The following KPNA6 variants were observed in gnomAD, a reference collection of about 807,000 sequenced individuals.
KPNA6 encodes the protein importin subunit alpha-7.
A neutral mutation model predicts 72.0 loss-of-function variants in KPNA6; 9 were observed. The ratio of observed to expected loss-of-function variants is 0.13; its 90% CI spans 0.08 to 0.22. The LOEUF is 0.22. Ranked by LOEUF, KPNA6 falls within the 10% of genes least tolerant of loss-of-function variation. The pLI, the probability that KPNA6 is intolerant of heterozygous loss-of-function variation, is 1.00. For missense variants in KPNA6, 374 were observed against 655.7 expected (o/e 0.57, Z 4.69); for synonymous variants, 219 against 242.1 (o/e 0.90, Z 0.89).
rs767808630 is a variant in KPNA6, at chr1:32,154,730, A to T, written c.138+9A>T. 6 of 1,613,750 alleles carry T rather than the reference A, an allele frequency of 3.7e-6. No homozygotes were observed. In the South Asian group the frequency reaches 4.4e-5, roughly 12 times the overall value. ...AGAAGCGAGAGCAACAAGTGAGTTAATGGGAGTATTCTCAAACATACTATT... is the reference window on the plus strand; with the variant it reads ...AGAAGCGAGAGCAACAAGTGAGTTATTGGGAGTATTCTCAAACATACTATT... On this transcript the variant is annotated intron_variant, in intron 2 of 13. Coordinates refer to ENST00000373625, the MANE Select transcript of KPNA6 (RefSeq NM_012316.5).
At chr1:32,116,594 G>A (rs1641333164) in intron 1 of KPNA6, among the ~76,000 whole-genome samples, 1 of 152,002 alleles carries the variant, frequency 6.6e-6, no homozygotes, top group Non-Finnish European at 1.5e-5. Flanking sequence ...GGAGGTGGAG[G>A]TTTCGGTGAG....
chr1:32,109,213 G>A (rs1641200587), intron 1 of KPNA6, among the ~76,000 whole-genome samples: 1 of 152,152 alleles, frequency 6.6e-6, no homozygotes. Context: ...CTGTCGCCCA[G>A]GCTGGAGTGC....
At chr1:32,164,173 C>G (rs1409396073) in intron 10 of KPNA6, among the ~76,000 whole-genome samples, 1 of 152,154 alleles carries the variant, frequency 6.6e-6, no homozygotes, top group Non-Finnish European at 1.5e-5. Flanking sequence ...TCTTTCTCGT[C>G]TGGTTTATTT....
chr1:32,143,070 G>T (rs745730744), intron 1 of KPNA6: 2 of 1,092,500 alleles, frequency 1.8e-6, no homozygotes, highest in East Asian at 1.2e-4. Context: ...GAAATCTGTT[G>T]TCTACTCTGT....
chr1:32,127,509 G>C (rs1031974029), intron 1 of KPNA6, among the ~76,000 whole-genome samples: 1 of 152,200 alleles, frequency 6.6e-6, no homozygotes, highest in East Asian at 1.9e-4. Context: ...CTGTTGGAAA[G>C]GCCCTTTCTT....
chr1:32,121,323 A>T (rs1641429976), intron 1 of KPNA6, among the ~76,000 whole-genome samples: 1 of 152,162 alleles, frequency 6.6e-6, no homozygotes, highest in South Asian at 2.1e-4. Flanking sequence ...AAGGGGAAAA[A>T]AAATTAAGCA....
At chr1:32,169,855 A>G (rs1410516254) in intron 12 of KPNA6, 27 bp from the exon 13 acceptor site, 14 of 1,608,156 alleles carry the variant, frequency 8.7e-6, no homozygotes, top group Non-Finnish European at 1.1e-5. Flanking sequence ...GTACTAGTTT[A>G]GCACTTGCCT....
intron 2 of KPNA6, 94 bp downstream of exon 2, chr1:32,154,815 A>G: frequency 2.2e-6 from 3 of 1,373,500 alleles, no homozygotes; most frequent in Non-Finnish European, 3.0e-6. Flanking sequence ...CCTGTAGAAA[A>G]GTAGCTTACT....
chr1:32,130,125 T>C lies in KPNA6; in HGVS notation c.4+21991T>C, dbSNP rs183091113. 5.9e-5 allele frequency among the ~76,000 whole-genome samples: 9 copies of C among 152,182 alleles called. No homozygotes were observed. In the East Asian group the frequency reaches 1.5e-3, roughly 26 times the overall value. On this transcript the variant is annotated intron_variant, in intron 1 of 13. Transcript: ENST00000373625. The stretch of plus-strand genomic sequence containing the variant: ...GTCAAATATGAATTTTGCCTGAGAA[T>C]GCCTCCCTCTACAGATATTAGAGAT...
rs375064504 is a variant in KPNA6 at position 32,108,085 on chromosome 1, C to G, written c.-46C>G. The G allele has an allele frequency of 3.1e-5, 50 of 1,613,736 alleles. No individual in the cohort carries two copies. In the African/African-American group the frequency reaches 5.1e-4, roughly 16 times the overall value. On this transcript the variant is annotated 5_prime_UTR_variant, in exon 1 of 14. Coordinates refer to ENST00000373625, the MANE Select transcript of KPNA6 (RefSeq NM_012316.5). ...TGTCTACTGAAAGCTGCCGCTGAAG[C>G]TGCCGCCGTTGCCTCCGCCGCCAAG...
At chr1:32,110,156 C>T (rs1240800689) in intron 1 of KPNA6, among the ~76,000 whole-genome samples, 2 of 150,362 alleles carry the variant, frequency 1.3e-5, no homozygotes, top group African/African-American at 2.5e-5. Flanking sequence ...CCTCTGCCTC[C>T]CGGGTTAAAG....
intron 1 of KPNA6, among the ~76,000 whole-genome samples, chr1:32,128,948 A>G (rs1321361274): frequency 6.6e-6 from 1 of 152,122 alleles, no homozygotes; most frequent in Non-Finnish European, 1.5e-5. Context: ...GGGTATGAAA[A>G]TTAAGATACA....
At chr1:32,142,986 A>G (rs748986832) in intron 1 of KPNA6, 1 of 1,289,854 alleles carries the variant, frequency 7.8e-7, no homozygotes, top group South Asian at 1.2e-5. Flanking sequence ...GCTAGCGTCC[A>G]GGACAGCCCA....
At chr1:32,170,153 G>A in intron 13 of KPNA6, 93 bp downstream of exon 13, 1 of 1,170,444 alleles carries the variant, frequency 8.5e-7, no homozygotes. Flanking sequence ...TGTGGGTTGG[G>A]AAGCATCCAT....
intron 1 of KPNA6, among the ~76,000 whole-genome samples, chr1:32,108,754 C>T (rs1437591147): frequency 6.6e-6 from 1 of 152,204 alleles, no homozygotes; most frequent in Non-Finnish European, 1.5e-5. Flanking sequence ...GATGGTAGAA[C>T]ACCAAAGGCC....
At chr1:32,109,113 C>T (rs1641198971) in intron 1 of KPNA6, among the ~76,000 whole-genome samples, 2 of 152,142 alleles carry the variant, frequency 1.3e-5, no homozygotes, top group African/African-American at 4.8e-5. Flanking sequence ...AAGTAACTTA[C>T]CCAAGGTCAT....
chr1:32,156,564 G>A (rs1034652338), intron 2 of KPNA6, among the ~76,000 whole-genome samples: 2 of 152,172 alleles, frequency 1.3e-5, no homozygotes, highest in Non-Finnish European at 2.9e-5. Flanking sequence ...GGGCCAGACA[G>A]AACAAGATAG....
intron 4 of KPNA6, among the ~76,000 whole-genome samples, chr1:32,157,745 T>A (rs1642169770): frequency 6.6e-6 from 1 of 152,204 alleles, no homozygotes; most frequent in Non-Finnish European, 1.5e-5. Flanking sequence ...ATTATATTTA[T>A]CTTCTAACAT....
chr1:32,148,803 CGCCTCA>C (rs1432223939), intron 1 of KPNA6, among the ~76,000 whole-genome samples: 2 of 151,988 alleles, frequency 1.3e-5, no homozygotes, highest in African/African-American at 2.4e-5. Flanking sequence ...GTGATCCACC[CGCCTCA>C]GCCTCCCAAA....
Sources: allele counts gnomAD v4.1 joint callset (sites outside exome capture counted in the v4.1 genomes callset), GRCh38; gene constraint gnomAD v4.1.1; transcripts MANE v1.5; gene names NCBI Gene and HGNC (gene_info 2026-07-23, HGNC 2026-07-21).